NXN: variants seen among roughly 807,000 people sequenced by gnomAD.
NXN encodes the protein nucleoredoxin, also known as nucleoredoxin 1.
In NXN, 16 loss-of-function variants were observed where a neutral mutation model predicts 48.6. That is an observed-to-expected ratio of 0.33 (90% CI 0.22 to 0.50). NXN has a LOEUF of 0.50. NXN is among the 20% of genes least tolerant of loss of function. The pLI, the probability that NXN is intolerant of heterozygous loss-of-function variation, is 0.98. For synonymous variants in NXN, 281 were observed against 269.6 expected, an observed-to-expected ratio of 1.04 and a Z score of -0.41; for missense variants, 492 against 605.5, an observed-to-expected ratio of 0.81 and a Z score of 1.97.
chr17:972,760 G>A (rs1050914261), intron 1 of NXN, among the ~76,000 whole-genome samples: 12 of 152,198 alleles, frequency 7.9e-5, no homozygotes, highest in African/African-American at 2.7e-4. Flanking sequence ...GGCCGGGTGC[G>A]GTGGCTCACG....
At chr17:809,874 T>C (rs1324196594) in intron 5 of NXN, among the ~76,000 whole-genome samples, 1 of 150,832 alleles carries the variant, frequency 6.6e-6, no homozygotes, top group African/African-American at 2.4e-5. Context: ...CGAGTCAGTG[T>C]GAGTGGCGTG....
intron 1 of NXN, among the ~76,000 whole-genome samples, chr17:833,932 G>A (rs1048109845): frequency 7.2e-5 from 11 of 152,178 alleles, no homozygotes; most frequent in African/African-American, 1.9e-4. Flanking sequence ...TCCCACTGTC[G>A]CTGTGTTCCT....
chr17:909,280 A>G (rs1001477385), intron 1 of NXN, among the ~76,000 whole-genome samples: 4 of 152,158 alleles, frequency 2.6e-5, no homozygotes, highest in Admixed American at 2.0e-4. Flanking sequence ...CTGAAATTAC[A>G]AACACTTATA....
At chr17:823,568 G>C (rs945148548) in intron 3 of NXN, 64 bp downstream of exon 3, 6 of 1,592,360 alleles carry the variant, frequency 3.8e-6, no homozygotes, top group Non-Finnish European at 5.1e-6. Flanking sequence ...GCCAACCACA[G>C]CTGGGCCTGC....
rs761399476 is a variant in NXN, at chr17:910,409, TA to T, written c.360+68909del. Among the ~76,000 whole-genome samples the T allele has an allele frequency of 8.8e-3, 1,214 of 137,266 alleles. 8 individuals carry two copies. Among genetic ancestry groups the T allele is most frequent in the East Asian group, 0.047 (227 of 4,842 alleles). The allele number at this position is 137,266 out of a possible 152,430, so 90.1% of individuals were successfully genotyped here. On this transcript the variant is annotated intron_variant, in intron 1 of 7. Transcript: ENST00000336868. ...CCTGGGTGACAGAGTGAGACTCCATTAAAAAAAAAAAAAAAAGTTCTAATCT... is the reference window on the plus strand; with the variant it reads ...CCTGGGTGACAGAGTGAGACTCCATTAAAAAAAAAAAAAAAGTTCTAATCT...
intron 1 of NXN, among the ~76,000 whole-genome samples, chr17:873,400 G>A (rs753137395): frequency 2.0e-5 from 3 of 149,684 alleles, no homozygotes; most frequent in Non-Finnish European, 4.4e-5. Context: ...GGGAGGCTGA[G>A]ACAGGAGAAT....
chr17:876,366 G>A (rs1004636980), intron 1 of NXN, among the ~76,000 whole-genome samples: 1 of 152,152 alleles, frequency 6.6e-6, no homozygotes, highest in African/African-American at 2.4e-5. Flanking sequence ...GAAATTTCAG[G>A]TGACAGAGGG....
At chr17:911,637 T>G (rs8071568) in intron 1 of NXN, among the ~76,000 whole-genome samples, 30,293 of 151,750 alleles carry the variant, frequency 0.2, 3,194 homozygotes, top group South Asian at 0.36. Context: ...CTAATTTTTG[T>G]ATTTTTAGTA....
intron 1 of NXN, among the ~76,000 whole-genome samples, chr17:904,696 A>G (rs899795677): frequency 6.6e-6 from 1 of 152,118 alleles, no homozygotes; most frequent in African/African-American, 2.4e-5. Flanking sequence ...GGCGCATGCA[A>G]TCACATCCAG....
intron 1 of NXN, among the ~76,000 whole-genome samples, chr17:963,214 G>GACACACACACACACACACACACAC: frequency 7.0e-6 from 1 of 142,934 alleles, no homozygotes; most frequent in East Asian, 2.1e-4. Flanking sequence ...TACTGGGACG[G>GACACACACACACACACACACACAC]ACACACACAC....
At chr17:823,794 G>A in intron 2 of NXN, 29 bp from the exon 3 acceptor site, 1 of 1,613,182 alleles carries the variant, frequency 6.2e-7, no homozygotes, top group Non-Finnish European at 8.5e-7. Context: ...GGTAAAAGAG[G>A]GCTTAGACCC....
intron 1 of NXN, among the ~76,000 whole-genome samples, chr17:910,094 C>A (rs1229303878): frequency 6.6e-6 from 1 of 152,114 alleles, no homozygotes. Flanking sequence ...CCTACACCTC[C>A]TAAATCAAAC....
intron 1 of NXN, among the ~76,000 whole-genome samples, chr17:848,575 C>T (rs1326016040): frequency 6.6e-6 from 1 of 152,200 alleles, no homozygotes; most frequent in Non-Finnish European, 1.5e-5. Flanking sequence ...TCCATCAAAA[C>T]ACAAAGTCCA....
chr17:844,825 T>G (rs552695038), intron 1 of NXN, among the ~76,000 whole-genome samples: 17 of 152,224 alleles, frequency 1.1e-4, no homozygotes, highest in African/African-American at 4.1e-4. Flanking sequence ...CCTTGTGATC[T>G]GCCCGCCTCG....
At chr17:926,249 C>T (rs1412475043) in intron 1 of NXN, among the ~76,000 whole-genome samples, 2 of 152,100 alleles carry the variant, frequency 1.3e-5, no homozygotes, top group Non-Finnish European at 2.9e-5. Flanking sequence ...GCAGTGGCAC[C>T]GTCAATGGCT....
At position 932,979 on chromosome 17, in the gene NXN, G is replaced by A. The variant is rs972703510; in HGVS notation, c.360+46340C>T. Among the ~76,000 whole-genome samples the A allele has an allele frequency of 3.3e-5, 5 of 152,144 alleles. No homozygotes were observed. Among genetic ancestry groups the A allele is most frequent in the Non-Finnish European group, 5.9e-5 (4 of 68,004 alleles). On this transcript the variant is annotated intron_variant, in intron 1 of 7. Coordinates refer to ENST00000336868, the MANE Select transcript of NXN (RefSeq NM_022463.5). This position sits in a 1 kb window ranked among gnomAD's most constrained non-coding sequence, Gnocchi z 4.1. ...GTCCTCTTGAACCTGCTCAGTTTCA[G>A]TCGTCATGACCACTTGTAATATCCC... is the stretch of plus-strand genomic sequence containing the variant.
At chr17:808,251 C>G (rs552649858) in intron 5 of NXN, among the ~76,000 whole-genome samples, 8 of 152,096 alleles carry the variant, frequency 5.3e-5, no homozygotes, top group Non-Finnish European at 1.2e-4. Context: ...CCTTTCTCCC[C>G]CTTCACACAC....
chr17:924,454 C>T (rs1184839482), intron 1 of NXN, among the ~76,000 whole-genome samples: 1 of 152,248 alleles, frequency 6.6e-6, no homozygotes, highest in Non-Finnish European at 1.5e-5. Context: ...CCAGGCTGCT[C>T]TTGAACTCCC....
chr17:820,556 G>A (rs1270915119), intron 4 of NXN, among the ~76,000 whole-genome samples: 1 of 133,346 alleles, frequency 7.5e-6, no homozygotes, highest in Non-Finnish European at 1.6e-5. Context: ...AGCTTGCAGT[G>A]AGCCGAGATC....
Sources: allele counts gnomAD v4.1 joint callset (sites outside exome capture counted in the v4.1 genomes callset), GRCh38; gene constraint gnomAD v4.1.1; non-coding constraint Gnocchi (gnomAD v3.1); transcripts MANE v1.5; gene names NCBI Gene and HGNC (gene_info 2026-07-23, HGNC 2026-07-21).